The following PDZD2 variants were observed in gnomAD, a reference collection of about 807,000 sequenced individuals.
The protein encoded by PDZD2 is PDZ domain containing 2, also known as PDZ domain-containing protein 2.
In PDZD2, 90 loss-of-function variants were observed where a neutral mutation model predicts 220.7. That is an observed-to-expected ratio of 0.41 (90% CI 0.34 to 0.49). The LOEUF (loss-of-function observed/expected upper bound fraction) is 0.49, where lower values mean the gene tolerates loss of function less well. Among genes scored for constraint, PDZD2 ranks in the 20% least tolerant of loss-of-function variants. The probability of loss-of-function intolerance (pLI) is 0.28; values close to 1 mark genes in which losing one functional copy is unlikely to be tolerated. For missense variants in PDZD2, 3,174 were observed against 3,608.5 expected (o/e 0.88, Z 3.08); for synonymous variants, 1,375 against 1,450.5 (o/e 0.95, Z 1.18).
intron 21 of PDZD2, among the ~76,000 whole-genome samples, chr5:32,094,941 C>G (rs1244779898): frequency 6.6e-6 from 1 of 152,104 alleles, no homozygotes; most frequent in Non-Finnish European, 1.5e-5. Context: ...GGGAATAGCC[C>G]CTCATCTCTC....
intron 1 of PDZD2, among the ~76,000 whole-genome samples, chr5:31,667,754 C>T (rs1162152876): frequency 6.6e-6 from 1 of 152,052 alleles, no homozygotes; most frequent in Non-Finnish European, 1.5e-5. Flanking sequence ...CTCCCTGACC[C>T]CTGCTCACCA....
intron 1 of PDZD2, among the ~76,000 whole-genome samples, chr5:31,687,984 A>G (rs2150126398): frequency 6.6e-6 from 1 of 152,320 alleles, no homozygotes; most frequent in Non-Finnish European, 1.5e-5. Flanking sequence ...TTAACCTTGG[A>G]ACACAATTTC....
intron 5 of PDZD2, among the ~76,000 whole-genome samples, chr5:32,003,955 A>G (rs60727335): frequency 0.023 from 3,440 of 151,982 alleles, 167 homozygotes; most frequent in East Asian, 0.22. Flanking sequence ...CAGGTGATCC[A>G]CCCACCTTGG....
chr5:31,967,863 G>A (rs972173089), intron 2 of PDZD2, among the ~76,000 whole-genome samples: 4 of 152,178 alleles, frequency 2.6e-5, no homozygotes, highest in Admixed American at 6.5e-5. Flanking sequence ...GCACAGGGGA[G>A]GTTTGGAAGC....
chr5:31,996,064 C>A (rs1036784670), intron 4 of PDZD2, among the ~76,000 whole-genome samples: 2 of 152,150 alleles, frequency 1.3e-5, no homozygotes, highest in African/African-American at 4.8e-5. Context: ...TAGAACACCG[C>A]ATTCCTAAGA....
chr5:31,928,817 T>C (rs928324500), intron 2 of PDZD2, among the ~76,000 whole-genome samples: 2 of 152,120 alleles, frequency 1.3e-5, no homozygotes, highest in Non-Finnish European at 2.9e-5. Flanking sequence ...CAGGAAAACT[T>C]TATCAAGGAT....
intron 2 of PDZD2, among the ~76,000 whole-genome samples, chr5:31,962,572 C>A (rs1286038951): frequency 1.3e-5 from 2 of 152,130 alleles, no homozygotes; most frequent in Non-Finnish European, 2.9e-5. Context: ...CCCCTGGAAC[C>A]TATTTTGAGC....
chr5:31,874,134 C>T (rs1430924025), intron 2 of PDZD2, among the ~76,000 whole-genome samples: 1 of 152,172 alleles, frequency 6.6e-6, no homozygotes, highest in African/African-American at 2.4e-5. Context: ...CAAGAAACCT[C>T]AATCTTTTCT....
chr5:32,071,550 A>G, intron 16 of PDZD2, 132 bp downstream of exon 16: 1 of 723,442 alleles, frequency 1.4e-6, no homozygotes, highest in Non-Finnish European at 2.5e-6. Flanking sequence ...TATACAGGAA[A>G]TCGCAACAAT....
intron 1 of PDZD2, among the ~76,000 whole-genome samples, chr5:31,680,454 T>A (rs1418692387): frequency 6.6e-6 from 1 of 152,144 alleles, no homozygotes; most frequent in Non-Finnish European, 1.5e-5. Context: ...GAGGTGAGGA[T>A]GGCTGGCTGT....
chr5:31,896,323 CGTGTGTGT>C (rs35229609), intron 2 of PDZD2, among the ~76,000 whole-genome samples: 9,161 of 136,420 alleles, frequency 0.067, 301 homozygotes, highest in Non-Finnish European at 0.08. Context: ...TTGATACTCT[CGTGTGTGT>C]GTGTGTGTGT....
chr5:32,030,843 T>G (rs1315645502), intron 6 of PDZD2, among the ~76,000 whole-genome samples: 1 of 152,214 alleles, frequency 6.6e-6, no homozygotes, highest in Admixed American at 6.5e-5. Context: ...ATTTCTCATA[T>G]TTACTCCCTT....
intron 1 of PDZD2, among the ~76,000 whole-genome samples, chr5:31,692,289 G>A (rs1747174601): frequency 6.6e-6 from 1 of 152,222 alleles, no homozygotes; most frequent in Non-Finnish European, 1.5e-5. Context: ...CGCCCACTCG[G>A]AACTTGCGCT....
At chr5:31,947,478 C>T (rs1478973264) in intron 2 of PDZD2, among the ~76,000 whole-genome samples, 2 of 152,148 alleles carry the variant, frequency 1.3e-5, no homozygotes, top group African/African-American at 2.4e-5. Context: ...CTCAACTTCA[C>T]CGTCTATAAA....
chr5:31,848,002 G>A (rs1040347019), intron 2 of PDZD2: 2 of 393,900 alleles, frequency 5.1e-6, no homozygotes, highest in African/African-American at 4.1e-5. Flanking sequence ...ATGCTGCTAT[G>A]CAAGAGAATC....
intron 2 of PDZD2, among the ~76,000 whole-genome samples, chr5:31,911,023 T>C (rs909243836): frequency 5.3e-5 from 8 of 152,220 alleles, no homozygotes; most frequent in Admixed American, 2.6e-4. Context: ...CCAATAGTAA[T>C]TTGTCATCCA....
At chr5:31,926,628 A>T (rs1744802993) in intron 2 of PDZD2, among the ~76,000 whole-genome samples, 1 of 152,168 alleles carries the variant, frequency 6.6e-6, no homozygotes, top group Non-Finnish European at 1.5e-5. Context: ...TGTGAATGTA[A>T]GTTAGTTTGA....
rs1317783509 is a variant in PDZD2, at chr5:31,849,664, T to G, written c.476+49940T>G. Among the ~76,000 whole-genome samples the G allele has an allele frequency of 2.0e-5, 3 of 151,764 alleles. No homozygotes were observed. In the East Asian group the frequency reaches 5.8e-4, roughly 30 times the overall value. ...TTCGAGATCTGCCTGACCAACATGG[T>G]GAAACTCTGTCTCTATTAAAAATAC... On this transcript the variant is annotated intron_variant, in intron 2 of 24. Transcript: ENST00000438447.
chr5:31,981,168 T>C (rs1750267233), intron 2 of PDZD2, among the ~76,000 whole-genome samples: 1 of 152,174 alleles, frequency 6.6e-6, no homozygotes, highest in East Asian at 1.9e-4. Flanking sequence ...TATCTGCCTG[T>C]TTTTGTACAT....
Sources: gnomAD v4.1 joint callset for allele counts (sites outside exome capture counted in the v4.1 genomes callset) on GRCh38, gnomAD v4.1.1 for gene constraint, MANE v1.5 for transcripts, NCBI Gene and HGNC (gene_info 2026-07-23, HGNC 2026-07-21) for gene names.